Variants in DDB2 observed in about 807,000 individuals in gnomAD.
DDB2 encodes the protein damage specific DNA binding protein 2, also known as DNA damage-binding protein 2.
DDB2 carries 27 observed loss-of-function variants against 50.5 expected under a neutral mutation model. The ratio of observed to expected loss-of-function variants is 0.53; its 90% CI spans 0.39 to 0.74. The LOEUF (loss-of-function observed/expected upper bound fraction) is 0.74. Ranked by LOEUF, DDB2 falls within the 30% of genes least tolerant of loss-of-function variation. DDB2 has a pLI of 0.00. For missense variants in DDB2, 424 were observed against 545.6 expected, an observed-to-expected ratio of 0.78 and a Z score of 2.22; for synonymous variants, 176 against 205.5, an observed-to-expected ratio of 0.86 and a Z score of 1.23.
intron 3 of DDB2, among the ~76,000 whole-genome samples, chr11:47,226,430 T>G (rs1953558858): frequency 6.6e-6 from 1 of 152,034 alleles, no homozygotes; most frequent in Non-Finnish European, 1.5e-5. Context: ...CACACCACCA[T>G]GCCCGGCTAA....
chr11:47,222,506 G>C (rs995742439), intron 3 of DDB2, among the ~76,000 whole-genome samples: 1 of 152,038 alleles, frequency 6.6e-6, no homozygotes, highest in African/African-American at 2.4e-5. Context: ...ACCATACCTG[G>C]CTAATTTTAA....
intron 3 of DDB2, chr11:47,229,854 A>G: frequency 2.5e-6 from 1 of 395,770 alleles, no homozygotes; most frequent in Non-Finnish European, 4.8e-6. Context: ...TAATAGAGAC[A>G]GGGTCTTGCT....
chr11:47,219,443 C>T (rs1267284544), intron 3 of DDB2, among the ~76,000 whole-genome samples: 3 of 152,016 alleles, frequency 2.0e-5, no homozygotes, highest in Non-Finnish European at 4.4e-5. Context: ...TCACTGCAGC[C>T]TCCACCTTCC....
chr11:47,236,214 T>C (rs1206759184), intron 7 of DDB2: 2 of 152,224 alleles, frequency 1.3e-5, no homozygotes, highest in Admixed American at 6.6e-5. Flanking sequence ...ATTACAGGCA[T>C]GAGCCACTGC....
intron 3 of DDB2, among the ~76,000 whole-genome samples, chr11:47,228,383 G>A (rs756798662): frequency 3.3e-5 from 5 of 151,890 alleles, no homozygotes; most frequent in African/African-American, 1.2e-4. Flanking sequence ...GCTCACTCCT[G>A]TAATCTCAGC....
chr11:47,222,483 A>ACT (rs1338631327), intron 3 of DDB2, among the ~76,000 whole-genome samples: 1 of 152,172 alleles, frequency 6.6e-6, no homozygotes, highest in Non-Finnish European at 1.5e-5. Flanking sequence ...AGCTGGCACT[A>ACT]CATGCACAGG....
intron 3 of DDB2, 188 bp downstream of exon 3, chr11:47,217,237 G>A (rs1255453820): frequency 1.9e-6 from 1 of 514,692 alleles, no homozygotes; most frequent in East Asian, 3.8e-5. Flanking sequence ...TTAGCTGGGT[G>A]TGGTGGCAGG....
chr11:47,230,300 C>T (rs1009368741), intron 3 of DDB2, among the ~76,000 whole-genome samples: 2 of 152,160 alleles, frequency 1.3e-5, no homozygotes, highest in Non-Finnish European at 2.9e-5. Context: ...AAGCGATTCT[C>T]CTGCCCCAGC....
At chr11:47,231,444 T>TTCACTCA (rs1953648327) in intron 3 of DDB2, among the ~76,000 whole-genome samples, 1 of 152,210 alleles carries the variant, frequency 6.6e-6, no homozygotes, top group Non-Finnish European at 1.5e-5. Flanking sequence ...CTCAGAGGCA[T>TTCACTCA]GATGAGTGAA....
At position 47,214,994 on chromosome 11, in the gene DDB2, A is replaced by G. The variant is rs981369560; in HGVS notation, c.-143A>G. 1.1e-4 allele frequency: 131 copies of G among 1,219,100 alleles called. No individual in the cohort carries two copies. Among genetic ancestry groups the G allele is most frequent in the Non-Finnish European group, 1.5e-4 (122 of 833,284 alleles). The allele number at this position is 1,219,100 out of a possible 1,614,324, so 75.5% of individuals were successfully genotyped here. On this transcript the variant is annotated 5_prime_UTR_variant, in exon 1 of 10. It removes an upstream start codon present in the reference 5' UTR. Transcript: ENST00000256996. Reference sequence around the variant, plus strand: ...AAGCTGGTTTGAACAAGCCCTGGGCATGTTTGGCGGGAAGTTGGCTTAGCT... The same window carrying G: ...AAGCTGGTTTGAACAAGCCCTGGGCGTGTTTGGCGGGAAGTTGGCTTAGCT...
intron 3 of DDB2, among the ~76,000 whole-genome samples, chr11:47,230,409 G>A (rs4647727): frequency 1.7e-3 from 253 of 152,200 alleles, no homozygotes; most frequent in African/African-American, 5.9e-3. Context: ...CTTTCAACAC[G>A]GCTTTTATAG....
At chr11:47,236,733 G>A (rs571027037) in intron 7 of DDB2, among the ~76,000 whole-genome samples, 12 of 152,166 alleles carry the variant, frequency 7.9e-5, no homozygotes, top group Non-Finnish European at 1.5e-4. Context: ...TGGCCCCCAC[G>A]TACCTCAATC....
At chr11:47,238,474 A>G (rs532870242) in intron 9 of DDB2, among the ~76,000 whole-genome samples, 34 of 151,996 alleles carry the variant, frequency 2.2e-4, no homozygotes, top group African/African-American at 7.5e-4. Context: ...TCTTGGCTCA[A>G]TGCAAGCTCC....
At chr11:47,229,593 A>G (rs552820428) in intron 3 of DDB2, among the ~76,000 whole-genome samples, 1 of 152,298 alleles carries the variant, frequency 6.6e-6, no homozygotes, top group Admixed American at 6.5e-5. Flanking sequence ...TAAAATGGGA[A>G]CCACATTTTT....
intron 3 of DDB2, among the ~76,000 whole-genome samples, chr11:47,228,977 A>AAAATATCTATC (rs376107098): frequency 8.0e-6 from 1 of 124,660 alleles, no homozygotes; most frequent in Non-Finnish European, 1.6e-5. Flanking sequence ...AAAAAAAGAA[A>AAAATATCTATC]TATCTATCTA....
intron 4 of DDB2, 83 bp downstream of exon 4, chr11:47,233,042 C>T: frequency 1.4e-6 from 2 of 1,451,942 alleles, no homozygotes; most frequent in Non-Finnish European, 9.7e-7. Flanking sequence ...ATTTCCTTAA[C>T]CCAACCTGGC....
intron 3 of DDB2, among the ~76,000 whole-genome samples, chr11:47,229,005 CTA>C (rs1953604720): frequency 1.3e-5 from 2 of 148,950 alleles, no homozygotes; most frequent in African/African-American, 4.9e-5. Flanking sequence ...ATCTATCTAT[CTA>C]TCTATCTATC....
At chr11:47,222,551 G>A (rs1953500905) in intron 3 of DDB2, among the ~76,000 whole-genome samples, 1 of 152,192 alleles carries the variant, frequency 6.6e-6, no homozygotes, top group African/African-American at 2.4e-5. Context: ...TCACTGTGTT[G>A]CACAGGCTGG....
chr11:47,224,158 T>A (rs533523261), intron 3 of DDB2, among the ~76,000 whole-genome samples: 1 of 152,292 alleles, frequency 6.6e-6, no homozygotes, highest in Admixed American at 6.5e-5. Context: ...TCTATGTAAT[T>A]TTTCTTCTGG....
Sources: allele counts gnomAD v4.1 joint callset (sites outside exome capture counted in the v4.1 genomes callset), GRCh38; gene constraint gnomAD v4.1.1; transcripts MANE v1.5; gene names NCBI Gene and HGNC (gene_info 2026-07-23, HGNC 2026-07-21).